CIMAP3: variants seen among roughly 807,000 people sequenced by gnomAD.
The protein encoded by CIMAP3 is ciliary microtubule-associated protein 3.
the CIMAP3 span, among the ~76,000 whole-genome samples, chr1:111,330,909 G>A: frequency 7.9e-3 from 1,205 of 152,338 alleles, 15 homozygotes; most frequent in African/African-American, 0.027. Context: ...TGGGAGATGA[G>A]CTGGCCTCTT....
At chr1:111,332,518 A>T in the CIMAP3 span, among the ~76,000 whole-genome samples, 1 of 152,172 alleles carries the variant, frequency 6.6e-6, no homozygotes, top group South Asian at 2.1e-4. Context: ...GACCACAGGG[A>T]TGTTTCAGAG....
At chr1:111,326,195 A>G in the CIMAP3 span, among the ~76,000 whole-genome samples, 1 of 152,110 alleles carries the variant, frequency 6.6e-6, no homozygotes, top group African/African-American at 2.4e-5. Flanking sequence ...GAAATATACA[A>G]TTTGCTATCA....
At chr1:111,352,617 G>C in the CIMAP3 span, 1 of 152,322 alleles carries the variant, frequency 6.6e-6, no homozygotes, top group African/African-American at 2.4e-5. Flanking sequence ...CTTTTAATCT[G>C]ATGACTTAAT....
At chr1:111,333,635 C>G in the CIMAP3 span, among the ~76,000 whole-genome samples, 5 of 152,126 alleles carry the variant, frequency 3.3e-5, no homozygotes, top group African/African-American at 1.2e-4. Context: ...CTCCTGACTC[C>G]CAGCAGATTT....
At chr1:111,341,508 G>C in the CIMAP3 span, among the ~76,000 whole-genome samples, 4 of 152,272 alleles carry the variant, frequency 2.6e-5, no homozygotes, top group Non-Finnish European at 5.9e-5. Context: ...ACCAAATCTT[G>C]CTCTGTGTGG....
At chr1:111,351,165 A>ATTTTTT in the CIMAP3 span, 1 of 763,804 alleles carries the variant, frequency 1.3e-6, no homozygotes, top group South Asian at 1.6e-5. Context: ...TATAATGTAC[A>ATTTTTT]GTTTTTTTTT....
the CIMAP3 span, among the ~76,000 whole-genome samples, chr1:111,338,175 T>C: frequency 1.5e-4 from 22 of 151,396 alleles, no homozygotes; most frequent in East Asian, 4.1e-3. Context: ...CATACCGGAA[T>C]CTCTGGGACA....
At chr1:111,331,438 T>C in the CIMAP3 span, among the ~76,000 whole-genome samples, 1 of 152,226 alleles carries the variant, frequency 6.6e-6, no homozygotes, top group South Asian at 2.1e-4. Flanking sequence ...AGGACATGTC[T>C]TTTAAGTTCA....
the CIMAP3 span, among the ~76,000 whole-genome samples, chr1:111,333,504 C>T: frequency 2.0e-5 from 3 of 152,206 alleles, no homozygotes; most frequent in African/African-American, 7.2e-5. Flanking sequence ...TTTCCCAGCA[C>T]ATCTCCAAAC....
the CIMAP3 span, among the ~76,000 whole-genome samples, chr1:111,326,273 C>T: frequency 6.6e-6 from 1 of 152,148 alleles, no homozygotes; most frequent in African/African-American, 2.4e-5. Context: ...TGTTTGTACC[C>T]GTTAACCTAT....
the CIMAP3 span, chr1:111,346,785 G>A: frequency 1.3e-6 from 2 of 1,565,970 alleles, no homozygotes; most frequent in Admixed American, 3.4e-5. Context: ...GGAGTTTGGC[G>A]TGGTTTTGTA....
At chr1:111,332,229 T>A in the CIMAP3 span, among the ~76,000 whole-genome samples, 1 of 152,146 alleles carries the variant, frequency 6.6e-6, no homozygotes, top group Admixed American at 6.5e-5. Context: ...TGCAGTTGTT[T>A]GGCTTCTTGG....
chr1:111,347,183 GTTC>G, the CIMAP3 span: 15 of 1,050,542 alleles, frequency 1.4e-5, no homozygotes, highest in Admixed American at 2.4e-4. Flanking sequence ...AAAGCGCTCT[GTTC>G]TTCTGCAAGC....
the CIMAP3 span, among the ~76,000 whole-genome samples, chr1:111,337,451 C>A: frequency 2.0e-5 from 3 of 151,694 alleles, no homozygotes; most frequent in Non-Finnish European, 2.9e-5. Flanking sequence ...TTCAGGAAAC[C>A]CATCTCACAT....
chr1:111,339,088 A>G, the CIMAP3 span, among the ~76,000 whole-genome samples: 1 of 152,112 alleles, frequency 6.6e-6, no homozygotes, highest in Admixed American at 6.5e-5. Flanking sequence ...ATATAAACAG[A>G]ACCAAAGACA....
At chr1:111,347,613 T>G in the CIMAP3 span, 1 of 1,146,994 alleles carries the variant, frequency 8.7e-7, no homozygotes, top group Non-Finnish European at 1.3e-6. Flanking sequence ...TATGCGTTGT[T>G]TTTTCTTTCT....
At chr1:111,328,163 C>T in the CIMAP3 span, among the ~76,000 whole-genome samples, 13 of 152,138 alleles carry the variant, frequency 8.5e-5, no homozygotes, top group South Asian at 6.2e-4. Context: ...TAGTTTTGAG[C>T]GATTTTCATA....
chr1:111,351,160 T>C, the CIMAP3 span: 2 of 866,194 alleles, frequency 2.3e-6, no homozygotes, highest in East Asian at 2.8e-5. Context: ...ACCTCTATAA[T>C]GTACAGTTTT....
At chr1:111,326,431 C>T in the CIMAP3 span, among the ~76,000 whole-genome samples, 1 of 152,148 alleles carries the variant, frequency 6.6e-6, no homozygotes, top group Non-Finnish European at 1.5e-5. Flanking sequence ...TTTCACTTAA[C>T]ATAATGACCT....
Sources: allele counts gnomAD v4.1 joint callset (sites outside exome capture counted in the v4.1 genomes callset), GRCh38; gene constraint gnomAD v4.1.1; transcripts MANE v1.5; gene names NCBI Gene and HGNC (gene_info 2026-07-23, HGNC 2026-07-21).